RBL2: variants seen among roughly 807,000 people sequenced by gnomAD.
RBL2 encodes retinoblastoma-like protein 2.
RBL2 carries 56 observed loss-of-function variants against 126.0 expected under a neutral mutation model. That is an observed-to-expected ratio of 0.44 (90% CI 0.36 to 0.56). The LOEUF (loss-of-function observed/expected upper bound fraction) is 0.56, where lower values mean the gene tolerates loss of function less well. Ranked by LOEUF, RBL2 falls within the 20% of genes least tolerant of loss-of-function variation. RBL2 has a pLI of 0.00. For missense variants in RBL2, 1,229 were observed against 1,398.2 expected, an observed-to-expected ratio of 0.88 and a Z score of 1.93; for synonymous variants, 454 against 478.5, an observed-to-expected ratio of 0.95 and a Z score of 0.67.
rs772211064 is a variant in RBL2, at chr16:53,434,546, AG to A, written c.-7del. 1 of 1,460,414 alleles carries A rather than the reference AG, an allele frequency of 6.8e-7. No individual in the cohort carries two copies. 90.5% of individuals were successfully genotyped at this position (1,460,414 alleles called of 1,614,324 possible). ...CACCTCACCTGAGGTCCGGCCGCCC[AG>A]GGGTGCGCTATGCCGTCGGGAGGTG... On this transcript the variant is annotated 5_prime_UTR_variant, in exon 1 of 22. Coordinates refer to ENST00000262133, the MANE Select transcript of RBL2 (RefSeq NM_005611.4).
chr16:53,438,473 G>A (rs13330182), intron 1 of RBL2, among the ~76,000 whole-genome samples: 71,299 of 151,892 alleles, frequency 0.47, 17,345 homozygotes, highest in Middle Eastern at 0.61. Flanking sequence ...GTGAGGGAAC[G>A]CAGACCCTTG....
intron 14 of RBL2, among the ~76,000 whole-genome samples, chr16:53,468,586 C>G (rs187559192): frequency 6.6e-6 from 1 of 152,226 alleles, no homozygotes; most frequent in Non-Finnish European, 1.5e-5. Context: ...CCTGAGATCT[C>G]TTGATATTTT....
At chr16:53,460,287 C>A (rs776308827) in intron 9 of RBL2, among the ~76,000 whole-genome samples, 8 of 152,190 alleles carry the variant, frequency 5.3e-5, no homozygotes, top group Non-Finnish European at 7.4e-5. Context: ...TAACGTAGAC[C>A]CAAAAGGACC....
At chr16:53,459,391 C>A in intron 8 of RBL2, 60 bp from the exon 9 acceptor site, 2 of 1,399,986 alleles carry the variant, frequency 1.4e-6, no homozygotes, top group Non-Finnish European at 2.0e-6. Flanking sequence ...GTCTTTCTGG[C>A]CTAAAATAAT....
chr16:53,490,077 C>A, intron 21 of RBL2, 53 bp from the exon 22 acceptor site: 3 of 1,358,850 alleles, frequency 2.2e-6, no homozygotes, highest in Non-Finnish European at 3.0e-6. Context: ...TGACTTAATA[C>A]TGAGCTATGT....
In RBL2 at chr16:53,457,738, G is replaced by A. The variant is rs116841865; in HGVS notation, c.1180-1713G>A. 3.9e-5 allele frequency among the ~76,000 whole-genome samples: 6 copies of A among 152,300 alleles called. No homozygotes were observed. The East Asian group carries it at 7.7e-4, about 20-fold the overall frequency. ...ACTTAATATTTGCACCCAAGTTAAA[G>A]ATTCCTCTTGATCAGAATGAACAGG... On this transcript the variant is annotated intron_variant, in intron 8 of 21. Transcript: ENST00000262133.
At chr16:53,470,287 G>A (rs1810979918) in intron 15 of RBL2, 96 bp from the exon 16 acceptor site, 1 of 1,559,580 alleles carries the variant, frequency 6.4e-7, no homozygotes, top group African/African-American at 1.4e-5. Flanking sequence ...AGGAGTGATG[G>A]GGAGAGAGGG....
rs778825535 is a variant in RBL2, at chr16:53,454,743, G to A, written c.1080G>A (p.Glu360=). ...TATTTCTTGGAGAGGATGCTGAGGA[G>A]GAAATTGGGACTCTCTCAAGGTGTC... is the stretch of plus-strand genomic sequence containing the variant. ...ERIFLGEDAE[E]EIGTLSRCLN... The change falls in exon 8 of 22, where the codon GAG becomes GAA. Residue 360 remains glutamate (E), a synonymous_variant. Transcript: ENST00000262133. 3.7e-6 allele frequency: 6 copies of A among 1,613,930 alleles called. No individual in the cohort carries two copies. Among genetic ancestry groups the A allele is most frequent in the Non-Finnish European group, 5.1e-6 (6 of 1,179,956 alleles).
At position 53,453,613 on chromosome 16, in the gene RBL2, GT is replaced by G. The variant is rs777143220; in HGVS notation, c.927+4del. On this transcript the variant is annotated splice_donor_variant, in intron 6 of 21. Transcript: ENST00000262133. LOFTEE classifies it high-confidence loss of function. ...TATTAGGAAACTTTATGAAAAAAAG[GT>G]TTGTAAGTAGCAAAGAAATAACGTG... is the stretch of plus-strand genomic sequence containing the variant. The G allele has an allele frequency of 3.7e-5, 59 of 1,606,338 alleles. No individual in the cohort carries two copies. Among genetic ancestry groups the G allele is most frequent in the Non-Finnish European group, 4.9e-5 (58 of 1,176,474 alleles).
chr16:53,473,390 T>C (rs1960598026), intron 17 of RBL2, among the ~76,000 whole-genome samples: 1 of 152,028 alleles, frequency 6.6e-6, no homozygotes, highest in African/African-American at 2.4e-5. Context: ...TTTCAGAGTA[T>C]GTTTGCAATT....
rs781012269 is a variant in RBL2, at chr16:53,462,693, A to T, written c.1560+38A>T. 1.1e-5 allele frequency: 14 copies of T among 1,305,940 alleles called. No individual in the cohort carries two copies. The East Asian group carries it at 3.6e-4, about 33-fold the overall frequency. 80.9% of individuals were successfully genotyped at this position (1,305,940 alleles called of 1,614,324 possible). On this transcript the variant is annotated intron_variant, in intron 11 of 21. Coordinates refer to ENST00000262133, the MANE Select transcript of RBL2 (RefSeq NM_005611.4). ...ACCAATGTATTGATCAGCGCAATGA[A>T]ACATAATTTCCTTCCTGCCCTATTC...
intron 21 of RBL2, chr16:53,489,100 C>G (rs1305297380): frequency 6.6e-6 from 1 of 151,250 alleles, no homozygotes; most frequent in East Asian, 1.9e-4. Flanking sequence ...GAAGGTACAT[C>G]TGTTGATAAT....
At chr16:53,468,330 G>A (rs183253991) in intron 14 of RBL2, among the ~76,000 whole-genome samples, 4 of 152,144 alleles carry the variant, frequency 2.6e-5, no homozygotes, top group Admixed American at 1.3e-4. Context: ...CTTGAGCCCC[G>A]GAGTTCAAGA....
intron 2 of RBL2, among the ~76,000 whole-genome samples, chr16:53,440,953 C>CTTTTTTTTTTTTTTTT (rs1178378934): frequency 4.2e-5 from 3 of 71,672 alleles, no homozygotes; most frequent in Non-Finnish European, 5.0e-5. Flanking sequence ...TTTTTCAGTT[C>CTTTTTTTTTTTTTTTT]TTTTTTTTTT....
At chr16:53,479,395 G>A (rs1960856770) in intron 18 of RBL2, 170 bp downstream of exon 18, 1 of 585,662 alleles carries the variant, frequency 1.7e-6, no homozygotes, top group South Asian at 2.3e-5. Flanking sequence ...TGTTGATTAA[G>A]GTCTCTTTTC....
Position 53,434,680 on chromosome 16 carries a change from AC to A in RBL2, c.128del (p.Pro43LeufsTer31). 6.4e-7 allele frequency: 1 copy of A among 1,569,914 alleles called. No individual in the cohort carries two copies. ...CGCCGCGCCGCCTGCCGAGTCGCCC[AC>A]CCCTCAGATCCAGCAGCGGTTCGAC... ...EDAAPPAESP[T>X]PQIQQRFDEL... On this transcript the variant is annotated frameshift_variant, in exon 1 of 22. Transcript: ENST00000262133. LOFTEE classifies it high-confidence loss of function.
chr16:53,454,064 C>T (rs1306662082), intron 7 of RBL2, among the ~76,000 whole-genome samples: 4 of 152,150 alleles, frequency 2.6e-5, no homozygotes, highest in Non-Finnish European at 5.9e-5. Context: ...TTCAGGGGTG[C>T]CTAGAGCAGC....
At chr16:53,471,671 G>A (rs1386407218) in intron 17 of RBL2, among the ~76,000 whole-genome samples, 1 of 152,070 alleles carries the variant, frequency 6.6e-6, no homozygotes, top group East Asian at 1.9e-4. Flanking sequence ...GTTTGACCAT[G>A]TTGGCCAGGC....
intron 2 of RBL2, among the ~76,000 whole-genome samples, chr16:53,441,864 A>T (rs948127325): frequency 6.6e-6 from 1 of 151,988 alleles, no homozygotes; most frequent in Non-Finnish European, 1.5e-5. Flanking sequence ...CATTGTCGCC[A>T]GGCTGGAGTG....
Sources: gnomAD v4.1 joint callset for allele counts (sites outside exome capture counted in the v4.1 genomes callset) on GRCh38, gnomAD v4.1.1 for gene constraint, MANE v1.5 for transcripts, NCBI Gene and HGNC (gene_info 2026-07-23, HGNC 2026-07-21) for gene names.